Variants in LRP1B observed in about 807,000 individuals in gnomAD.
LRP1B encodes low-density lipoprotein receptor-related protein 1B.
Under a neutral mutation model 556.6 loss-of-function variants are expected in LRP1B, and 217 were observed. The ratio of observed to expected loss-of-function variants is 0.39; its 90% CI spans 0.35 to 0.44. The LOEUF (loss-of-function observed/expected upper bound fraction) is 0.44, where lower values mean the gene tolerates loss of function less well. LRP1B is among the 20% of genes least tolerant of loss of function. The probability of loss-of-function intolerance (pLI) is 1.00; values close to 1 mark genes in which losing one functional copy is unlikely to be tolerated. For missense variants in LRP1B, 5,053 were observed against 5,620.8 expected (o/e 0.90, Z 3.23); for synonymous variants, 2,047 against 1,865.8 (o/e 1.10, Z -2.50).
chr2:141,626,336 A>G (rs1034488547), intron 2 of LRP1B, among the ~76,000 whole-genome samples: 2 of 152,198 alleles, frequency 1.3e-5, no homozygotes, highest in African/African-American at 4.8e-5. Flanking sequence ...AGCTAAATGT[A>G]AAATGCAAAA....
chr2:141,872,326 T>G (rs961895916), intron 1 of LRP1B, among the ~76,000 whole-genome samples: 4 of 151,940 alleles, frequency 2.6e-5, no homozygotes, highest in Non-Finnish European at 5.9e-5. Context: ...TTGACTGGAT[T>G]CAGAAGGAAA....
chr2:140,660,972 T>C (rs1685071375), intron 41 of LRP1B, among the ~76,000 whole-genome samples: 1 of 152,026 alleles, frequency 6.6e-6, no homozygotes, highest in African/African-American at 2.4e-5. Context: ...TTAATAATCA[T>C]GTTCTCTCTT....
At chr2:141,692,753 T>C (rs1287381255) in intron 2 of LRP1B, among the ~76,000 whole-genome samples, 3 of 152,060 alleles carry the variant, frequency 2.0e-5, no homozygotes, top group Non-Finnish European at 4.4e-5. Flanking sequence ...CTAGGCTATA[T>C]GGTGCAGCCT....
intron 7 of LRP1B, among the ~76,000 whole-genome samples, chr2:141,089,092 A>C (rs1012587131): frequency 6.6e-6 from 1 of 152,234 alleles, no homozygotes; most frequent in African/African-American, 2.4e-5. Flanking sequence ...TATTCTTTCA[A>C]CATCTGGGTA....
intron 85 of LRP1B, among the ~76,000 whole-genome samples, chr2:140,273,336 G>GATAGTTCATATGA (rs113574269): frequency 6.6e-6 from 1 of 151,808 alleles, no homozygotes; most frequent in African/African-American, 2.4e-5. Flanking sequence ...ACATGATTTG[G>GATAGTTCATATGA]ACGCATGTTT....
chr2:141,496,780 G>A (rs1683523281), intron 2 of LRP1B, among the ~76,000 whole-genome samples: 1 of 151,900 alleles, frequency 6.6e-6, no homozygotes, highest in Non-Finnish European at 1.5e-5. Flanking sequence ...CATGGGTTAT[G>A]AAGAAGAAAA....
chr2:140,600,767 G>T (rs867065892), intron 42 of LRP1B, among the ~76,000 whole-genome samples: 645 of 56,868 alleles, frequency 0.011, 12 homozygotes, highest in African/African-American at 0.04. Flanking sequence ...GTTCTTCGGG[G>T]TTTTTTTTTT....
chr2:141,934,572 C>A (rs1306387521), intron 1 of LRP1B, among the ~76,000 whole-genome samples: 1 of 152,038 alleles, frequency 6.6e-6, no homozygotes, highest in Non-Finnish European at 1.5e-5. Flanking sequence ...GTTGTGTCCC[C>A]ACCCAAATCT....
intron 23 of LRP1B, among the ~76,000 whole-genome samples, chr2:140,901,849 T>A (rs916082674): frequency 2.0e-5 from 3 of 152,170 alleles, no homozygotes; most frequent in African/African-American, 7.2e-5. Context: ...AATTCCTTTT[T>A]GTCTTGGAAA....
At chr2:141,165,699 A>G (rs1458298575) in intron 7 of LRP1B, among the ~76,000 whole-genome samples, 1 of 152,036 alleles carries the variant, frequency 6.6e-6, no homozygotes, top group Admixed American at 6.6e-5. Flanking sequence ...AACAATAGCA[A>G]AGAGGAAAAC....
At chr2:142,018,896 TTAA>T (rs1703239527) in intron 1 of LRP1B, among the ~76,000 whole-genome samples, 1 of 75,086 alleles carries the variant, frequency 1.3e-5, no homozygotes, top group Non-Finnish European at 3.3e-5. Flanking sequence ...TACATGTATA[TTAA>T]TTGTCTGTAA....
intron 84 of LRP1B, among the ~76,000 whole-genome samples, chr2:140,279,459 T>C (rs911600632): frequency 5.9e-5 from 9 of 151,960 alleles, no homozygotes; most frequent in African/African-American, 2.2e-4. Context: ...AATTTTTCTC[T>C]CACTCCCTTC....
intron 7 of LRP1B, among the ~76,000 whole-genome samples, chr2:141,110,255 A>T (rs1700716311): frequency 6.6e-6 from 1 of 150,822 alleles, no homozygotes; most frequent in African/African-American, 2.4e-5. Context: ...ATTTAATTTT[A>T]TATCTTTCTA....
chr2:141,128,704 T>C (rs1574103561), intron 7 of LRP1B, among the ~76,000 whole-genome samples: 2 of 152,194 alleles, frequency 1.3e-5, no homozygotes, highest in African/African-American at 4.8e-5. Context: ...CACCACAACC[T>C]CCACCTCCTG....
intron 2 of LRP1B, among the ~76,000 whole-genome samples, chr2:141,803,365 T>C (rs1696073048): frequency 2.0e-5 from 3 of 149,802 alleles, no homozygotes; most frequent in African/African-American, 7.3e-5. Flanking sequence ...ACAATTACAC[T>C]GATCCCCACC....
At chr2:140,612,613 C>A (rs62172848) in intron 41 of LRP1B, among the ~76,000 whole-genome samples, 29,189 of 151,986 alleles carry the variant, frequency 0.19, 3,337 homozygotes, top group South Asian at 0.39. Flanking sequence ...TATTTGTCAG[C>A]ATTTTCATTA....
intron 6 of LRP1B, among the ~76,000 whole-genome samples, chr2:141,199,732 T>C (rs981550692): frequency 6.6e-6 from 1 of 151,708 alleles, no homozygotes; most frequent in African/African-American, 2.4e-5. Context: ...ATATCTAAAA[T>C]GTTTGTCCAA....
intron 3 of LRP1B, among the ~76,000 whole-genome samples, chr2:141,379,841 T>G (rs1031570880): frequency 1.3e-5 from 2 of 152,024 alleles, no homozygotes; most frequent in Non-Finnish European, 2.9e-5. Context: ...GAGCAAGCAA[T>G]AAAGCCAAGC....
chr2:142,107,597 T>C (rs1326947489), intron 1 of LRP1B, among the ~76,000 whole-genome samples: 1 of 150,312 alleles, frequency 6.7e-6, no homozygotes, highest in Non-Finnish European at 1.5e-5. Flanking sequence ...GTCTGTCTCA[T>C]ATAGGCATTC....
Sources: allele counts gnomAD v4.1 joint callset (sites outside exome capture counted in the v4.1 genomes callset), GRCh38; gene constraint gnomAD v4.1.1; transcripts MANE v1.5; gene names NCBI Gene and HGNC (gene_info 2026-07-23, HGNC 2026-07-21).